ARHGAP42: variants seen among roughly 807,000 people sequenced by gnomAD.
The protein encoded by ARHGAP42 is rho GTPase-activating protein 42.
In ARHGAP42, 63 loss-of-function variants were observed where a neutral mutation model predicts 125.0. That is an observed-to-expected ratio of 0.50 (90% confidence interval 0.41 to 0.62). The LOEUF (loss-of-function observed/expected upper bound fraction) is 0.62. Ranked by LOEUF, ARHGAP42 falls within the 20% of genes least tolerant of loss-of-function variation. ARHGAP42 has a pLI of 0.00. For missense variants in ARHGAP42, 766 were observed against 1,024.2 expected (o/e 0.75, Z 3.44); for synonymous variants, 339 against 351.0 (o/e 0.97, Z 0.38).
chr11:100,911,614 GC>G (rs1866919992), intron 4 of ARHGAP42, among the ~76,000 whole-genome samples: 1 of 152,120 alleles, frequency 6.6e-6, no homozygotes, highest in African/African-American at 2.4e-5. Flanking sequence ...AAGGTATGTT[GC>G]AGGTAAGTTG....
rs1363941823 is a variant in ARHGAP42, at chr11:100,991,970, G to A, written c.*3169G>A. 2 of 228,590 alleles carry A rather than the reference G, an allele frequency of 8.7e-6. No individual in the cohort carries two copies. Among genetic ancestry groups the A allele is most frequent in the African/African-American group, 2.3e-5 (1 of 44,376 alleles). The allele number at this position is 228,590 out of a possible 1,614,324, so 14.2% of individuals were successfully genotyped here. On this transcript the variant is annotated 3_prime_UTR_variant, in exon 24 of 24. Transcript: ENST00000298815. ...TCGATGATAATTAGCTTTATATAAT[G>A]TGGCATCCTTCATAAAAATTCACTA... is the stretch of plus-strand genomic sequence containing the variant.
chr11:100,696,525 T>A (rs1481528998), intron 1 of ARHGAP42, among the ~76,000 whole-genome samples: 1 of 152,018 alleles, frequency 6.6e-6, no homozygotes, highest in African/African-American at 2.4e-5. Flanking sequence ...AGATAATTTT[T>A]TGTCTTTTTA....
At chr11:100,834,734 A>G (rs1003257700) in intron 3 of ARHGAP42, among the ~76,000 whole-genome samples, 2 of 151,988 alleles carry the variant, frequency 1.3e-5, no homozygotes, top group African/African-American at 4.8e-5. Flanking sequence ...GAGGCTATAA[A>G]TGCTATGACC....
intron 4 of ARHGAP42, among the ~76,000 whole-genome samples, chr11:100,887,020 A>G (rs1306520186): frequency 6.6e-6 from 1 of 152,146 alleles, no homozygotes; most frequent in Non-Finnish European, 1.5e-5. Context: ...CTGACATGCA[A>G]TAATCTCACT....
At chr11:100,937,898 A>G (rs979906784) in intron 8 of ARHGAP42, among the ~76,000 whole-genome samples, 3 of 152,176 alleles carry the variant, frequency 2.0e-5, no homozygotes, top group Non-Finnish European at 2.9e-5. Context: ...GTCTATAAGC[A>G]TAGGCCCTTC....
At chr11:100,869,640 G>A (rs952796782) in intron 4 of ARHGAP42, among the ~76,000 whole-genome samples, 6 of 152,046 alleles carry the variant, frequency 3.9e-5, no homozygotes, top group Admixed American at 1.3e-4. Flanking sequence ...TAGAATTGTA[G>A]ATAGGAACAT....
At chr11:100,832,089 A>G (rs1054407940) in intron 3 of ARHGAP42, among the ~76,000 whole-genome samples, 1 of 152,228 alleles carries the variant, frequency 6.6e-6, no homozygotes, top group Non-Finnish European at 1.5e-5. Flanking sequence ...TGTCTATCAG[A>G]TAATCTGGCC....
intron 2 of ARHGAP42, among the ~76,000 whole-genome samples, chr11:100,793,928 T>G (rs941151327): frequency 1.3e-5 from 2 of 151,294 alleles, no homozygotes; most frequent in African/African-American, 4.9e-5. Flanking sequence ...AGTAAATAAA[T>G]AAACAAAATT....
intron 1 of ARHGAP42, among the ~76,000 whole-genome samples, chr11:100,768,730 A>G (rs1862895281): frequency 6.6e-6 from 1 of 152,170 alleles, no homozygotes; most frequent in African/African-American, 2.4e-5. Flanking sequence ...CTGATGCTGC[A>G]CTGTGGAGTT....
chr11:100,986,021 C>G (rs574863042), intron 22 of ARHGAP42: 5 of 456,636 alleles, frequency 1.1e-5, no homozygotes, highest in Admixed American at 9.4e-5. Flanking sequence ...AAAGACTCAT[C>G]ATGTAGAAAA....
chr11:100,808,325 T>A (rs1202543226), intron 3 of ARHGAP42, among the ~76,000 whole-genome samples: 1 of 151,992 alleles, frequency 6.6e-6, no homozygotes, highest in Admixed American at 6.6e-5. Context: ...TTGATACATG[T>A]AATTTCAAGA....
intron 4 of ARHGAP42, among the ~76,000 whole-genome samples, chr11:100,894,842 CT>C (rs1866306910): frequency 6.6e-6 from 1 of 152,176 alleles, no homozygotes; most frequent in African/African-American, 2.4e-5. Flanking sequence ...TAGATATTTT[CT>C]ACAATTCCCA....
intron 3 of ARHGAP42, among the ~76,000 whole-genome samples, chr11:100,833,107 A>G (rs1864700537): frequency 6.6e-6 from 1 of 152,220 alleles, no homozygotes; most frequent in Non-Finnish European, 1.5e-5. Context: ...ACCAAAGGTC[A>G]TTTTGACTCC....
In ARHGAP42 at chr11:100,943,768, G is replaced by T. The variant is rs1867944938; in HGVS notation, c.943G>T (p.Val315Phe). 3 of 1,548,286 alleles carry T rather than the reference G, an allele frequency of 1.9e-6. No individual in the cohort carries two copies. Among genetic ancestry groups the T allele is most frequent in the Middle Eastern group, 1.7e-4 (1 of 5,968 alleles). The change falls in exon 10 of 24, where the codon GTT becomes TTT. Residue 315 changes from valine (V) to phenylalanine (F), a missense_variant. Physicochemically the swap from Val to Phe is conservative, Grantham distance 50. Coordinates refer to ENST00000298815, the MANE Select transcript of ARHGAP42 (RefSeq NM_152432.4). ...MKSSGKMNGL[V>F]TSSPEMFKLK... ...ACTCTTCTTGTTTCAGAATGGCCTTGTTACTAGCTCACCGGAAATGTTTAA... is the reference window on the plus strand; with the variant it reads ...ACTCTTCTTGTTTCAGAATGGCCTTTTTACTAGCTCACCGGAAATGTTTAA...
At position 100,969,408 on chromosome 11, in the gene ARHGAP42, TG is replaced by T. The variant is rs1242775356; in HGVS notation, c.1550+3634del. On this transcript the variant is annotated intron_variant, in intron 17 of 23. Coordinates refer to ENST00000298815, the MANE Select transcript of ARHGAP42 (RefSeq NM_152432.4). ...ATAGATTAATGTTTTAAATTAAATT[TG>T]GAAAATTTTCAGCCACTATATCTTT... 1.3e-4 allele frequency among the ~76,000 whole-genome samples: 20 copies of T among 152,252 alleles called. No homozygotes were observed. In the East Asian group the frequency reaches 3.7e-3, roughly 28 times the overall value.
chr11:100,733,825 GAAA>G (rs551074447), intron 1 of ARHGAP42, among the ~76,000 whole-genome samples: 6 of 31,386 alleles, frequency 1.9e-4, no homozygotes, highest in African/African-American at 7.8e-4. Flanking sequence ...ATTCTGTCTG[GAAA>G]AAAAAAAAAA....
At chr11:100,881,216 C>T (rs934297612) in intron 4 of ARHGAP42, among the ~76,000 whole-genome samples, 1 of 152,126 alleles carries the variant, frequency 6.6e-6, no homozygotes, top group Admixed American at 6.6e-5. Flanking sequence ...TTTATAGATT[C>T]AGGTCCTAGA....
At chr11:100,797,504 G>A (rs1863745815) in intron 3 of ARHGAP42, among the ~76,000 whole-genome samples, 1 of 151,916 alleles carries the variant, frequency 6.6e-6, no homozygotes, top group Admixed American at 6.6e-5. Context: ...TACCCTGTCT[G>A]GGCTCTAGTT....
intron 1 of ARHGAP42, among the ~76,000 whole-genome samples, chr11:100,752,387 G>A (rs1422704101): frequency 6.6e-6 from 1 of 152,186 alleles, no homozygotes; most frequent in Non-Finnish European, 1.5e-5. Context: ...GCCCAGCGCT[G>A]CAACTGTGCC....
Sources: allele counts gnomAD v4.1 joint callset (sites outside exome capture counted in the v4.1 genomes callset), GRCh38; gene constraint gnomAD v4.1.1; transcripts MANE v1.5; gene names NCBI Gene and HGNC (gene_info 2026-07-23, HGNC 2026-07-21).